VPS13A: variants seen among roughly 807,000 people sequenced by gnomAD.
The protein encoded by VPS13A is intermembrane lipid transfer protein VPS13A.
VPS13A carries 264 observed loss-of-function variants against 390.9 expected under a neutral mutation model. The observed-to-expected ratio is 0.68, with a 90% CI of 0.61 to 0.75. The LOEUF is 0.75. VPS13A is among the 30% of genes least tolerant of loss of function. The pLI, the probability that VPS13A is intolerant of heterozygous loss-of-function variation, is 0.00. For missense variants in VPS13A, 3,409 were observed against 3,733.9 expected (o/e 0.91, Z 2.27); for synonymous variants, 1,231 against 1,227.1 (o/e 1.00, Z -0.07).
chr9:77,249,457 CTT>C (rs902924687), intron 20 of VPS13A, among the ~76,000 whole-genome samples: 1 of 151,980 alleles, frequency 6.6e-6, no homozygotes, highest in Non-Finnish European at 1.5e-5. Flanking sequence ...CAGAGATAAT[CTT>C]TTTTTGAGTG....
chr9:77,302,167 A>T (rs1037853357), intron 33 of VPS13A, among the ~76,000 whole-genome samples: 5 of 151,998 alleles, frequency 3.3e-5, no homozygotes, highest in Admixed American at 6.6e-5. Flanking sequence ...CATGTTGGCC[A>T]GGCTGATCTC....
intron 68 of VPS13A, among the ~76,000 whole-genome samples, chr9:77,388,273 T>G (rs1020364721): frequency 5.9e-5 from 9 of 152,148 alleles, no homozygotes; most frequent in African/African-American, 1.9e-4. Flanking sequence ...AATTTGTGAG[T>G]TCATAAAGTA....
chr9:77,375,936 A>G (rs1163797539), intron 67 of VPS13A, among the ~76,000 whole-genome samples: 2 of 152,210 alleles, frequency 1.3e-5, no homozygotes, highest in Non-Finnish European at 2.9e-5. Context: ...TGATAAATAT[A>G]TGATATGCTA....
chr9:77,400,406 A>G (rs1244327386), intron 68 of VPS13A, among the ~76,000 whole-genome samples: 1 of 151,196 alleles, frequency 6.6e-6, no homozygotes, highest in Non-Finnish European at 1.5e-5. Context: ...TTTTTCTGTT[A>G]TTTTACTTTA....
At chr9:77,317,419 T>A (rs1490161256) in intron 39 of VPS13A, among the ~76,000 whole-genome samples, 187 bp from the exon 40 acceptor site, 1 of 152,070 alleles carries the variant, frequency 6.6e-6, no homozygotes, top group African/African-American at 2.4e-5. Context: ...TGTGGAAGAA[T>A]AGAACAGATA....
intron 71 of VPS13A, 72 bp from the exon 72 acceptor site, chr9:77,415,884 T>G: frequency 6.4e-7 from 1 of 1,559,454 alleles, no homozygotes; most frequent in Non-Finnish European, 8.8e-7. Context: ...CTTCTAGATC[T>G]CCATTCATTA....
chr9:77,221,231 AG>A lies in VPS13A; in HGVS notation c.1038del (p.Arg346SerfsTer17), dbSNP rs1823192642. 1.2e-6 allele frequency: 2 copies of A among 1,613,554 alleles called. No individual in the cohort carries two copies. Among genetic ancestry groups the A allele is most frequent in the African/African-American group, 1.3e-5 (1 of 74,994 alleles). ...HGVLEVNVCPRLWMWSWKHIR... is the reference protein window; with the variant it reads ...HGVLEVNVCPXLWMWSWKHIR... ...CGTTCTTGAAGTAAATGTTTGCCCC[AG>A]GTTATGGATGTGGTCATGGAAGCAT... On this transcript the variant is annotated frameshift_variant, in exon 13 of 72. Coordinates refer to ENST00000360280, the MANE Select transcript of VPS13A (RefSeq NM_033305.3). LOFTEE classifies it high-confidence loss of function.
rs934046319 is a variant in VPS13A, at chr9:77,231,884, G to A, written c.1595+3620G>A. Reference sequence around the variant, plus strand: ...CTTCTAAGAGTTTTATACTTCTGTCGCTTACATATACGTTTATGACCTGTA... The same window carrying A: ...CTTCTAAGAGTTTTATACTTCTGTCACTTACATATACGTTTATGACCTGTA... On this transcript the variant is annotated intron_variant, in intron 17 of 71. Coordinates refer to ENST00000360280, the MANE Select transcript of VPS13A (RefSeq NM_033305.3). Among the ~76,000 whole-genome samples the A allele has an allele frequency of 4.6e-5, 7 of 152,162 alleles. 1 individual carries two copies. The highest frequency in any genetic ancestry group is 1.4e-4 in the African/African-American group (6 of 41,530).
chr9:77,331,393 AT>A (rs1221394403), intron 45 of VPS13A, among the ~76,000 whole-genome samples: 1 of 151,584 alleles, frequency 6.6e-6, no homozygotes, highest in Non-Finnish European at 1.5e-5. Context: ...CATACTTCTG[AT>A]TTTTTTTGCA....
chr9:77,309,363 G>A (rs1239893166), intron 35 of VPS13A, among the ~76,000 whole-genome samples: 1 of 152,120 alleles, frequency 6.6e-6, no homozygotes, highest in Non-Finnish European at 1.5e-5. Context: ...CAGAATGAGT[G>A]TTACAGAAGA....
chr9:77,220,372 T>C lies in VPS13A; in HGVS notation c.978T>C (p.His326=). 5 of 1,607,444 alleles carry C rather than the reference T, an allele frequency of 3.1e-6. No individual in the cohort carries two copies. Among genetic ancestry groups the C allele is most frequent in the Admixed American group, 1.7e-5 (1 of 59,734 alleles). ...KFKPDVPLHH[H]AREWWAYAIH... Reference sequence around the variant, plus strand: ...AACCTGATGTGCCTCTTCACCACCATGCCAGAGAATGGTAAATGCCTTGAT... The same window carrying C: ...AACCTGATGTGCCTCTTCACCACCACGCCAGAGAATGGTAAATGCCTTGAT... Residue 326 remains histidine (H), a synonymous_variant, in exon 12 of 72, where the codon CAT becomes CAC. Transcript: ENST00000360280.
At chr9:77,403,187 G>A (rs765370280) in intron 68 of VPS13A, 49 bp from the exon 69 acceptor site, 2 of 1,383,720 alleles carry the variant, frequency 1.4e-6, no homozygotes. Flanking sequence ...TTGCATTACA[G>A]TAGGAAATAC....
At chr9:77,200,796 C>G (rs1316094041) in intron 2 of VPS13A, among the ~76,000 whole-genome samples, 2 of 152,008 alleles carry the variant, frequency 1.3e-5, no homozygotes, top group African/African-American at 4.8e-5. Context: ...AAGATTTTCC[C>G]TTATGTTTTC....
intron 41 of VPS13A, 124 bp downstream of exon 41, chr9:77,318,715 T>A: frequency 3.9e-6 from 4 of 1,029,554 alleles, no homozygotes; most frequent in Non-Finnish European, 4.3e-6. Flanking sequence ...AAATATGATA[T>A]TGGGTCAAAA....
At chr9:77,305,771 G>A (rs1213299944) in intron 34 of VPS13A, 2 of 152,394 alleles carry the variant, frequency 1.3e-5, no homozygotes, top group Non-Finnish European at 2.9e-5. Context: ...AGAATTGGTT[G>A]TGAAATCATT....
chr9:77,356,576 A>T (rs529654244), intron 54 of VPS13A, 138 bp from the exon 55 acceptor site: 46 of 969,754 alleles, frequency 4.7e-5, no homozygotes, highest in Admixed American at 8.9e-5. Context: ...TCATGTTTTT[A>T]AATTTGTAAT....
At chr9:77,349,804 C>G (rs945719915) in intron 52 of VPS13A, among the ~76,000 whole-genome samples, 19 of 152,016 alleles carry the variant, frequency 1.2e-4, no homozygotes, top group African/African-American at 4.3e-4. Context: ...CCACTATGCC[C>G]GGCTAATTTT....
intron 68 of VPS13A, among the ~76,000 whole-genome samples, chr9:77,398,826 G>A (rs979992023): frequency 1.1e-4 from 17 of 151,896 alleles, no homozygotes; most frequent in African/African-American, 3.6e-4. Flanking sequence ...CAAAGGATAC[G>A]GTTGGCAGCC....
chr9:77,297,124 T>C (rs1010009894), intron 33 of VPS13A, among the ~76,000 whole-genome samples: 2 of 152,102 alleles, frequency 1.3e-5, no homozygotes, highest in Non-Finnish European at 2.9e-5. Flanking sequence ...TGATTTCTGA[T>C]TCAATATTTA....
Sources: allele counts gnomAD v4.1 joint callset (sites outside exome capture counted in the v4.1 genomes callset), GRCh38; gene constraint gnomAD v4.1.1; transcripts MANE v1.5; gene names NCBI Gene and HGNC (gene_info 2026-07-23, HGNC 2026-07-21).